The following PAXIP1 variants were observed in gnomAD, a reference collection of about 807,000 sequenced individuals.
PAXIP1 encodes the protein PAX-interacting protein 1.
PAXIP1 carries 19 observed loss-of-function variants against 140.6 expected under a neutral mutation model. The ratio of observed to expected loss-of-function variants is 0.14; its 90% CI spans 0.09 to 0.20. PAXIP1 has a LOEUF of 0.20. Among genes scored for constraint, PAXIP1 ranks in the 10% least tolerant of loss-of-function variants. The pLI is 1.00. For missense variants in PAXIP1, 920 were observed against 1,208.6 expected (o/e 0.76, Z 3.54); for synonymous variants, 442 against 444.6 (o/e 0.99, Z 0.07).
Position 154,963,151 on chromosome 7 carries a change from G to A in PAXIP1, c.1989+520C>T, listed in dbSNP as rs1287186618. On this transcript the variant is annotated intron_variant, in intron 9 of 20. Transcript: ENST00000404141. The surrounding 1 kb of genome is among the most constrained non-coding windows in gnomAD (Gnocchi z 4.1). ...GTGCACAGAGAGCAGCTGGAATGGT[G>A]ACTGCAGGGAGTGTCCGCCCTTTCT... is the stretch of plus-strand genomic sequence containing the variant. Among the ~76,000 whole-genome samples the A allele has an allele frequency of 6.6e-6, 1 of 152,130 alleles. No homozygotes were observed. The highest frequency in any genetic ancestry group is 6.5e-5 in the Admixed American group (1 of 15,280).
chr7:154,946,905 G>C lies in PAXIP1; in HGVS notation c.2923-92C>G. 9.8e-7 allele frequency: 1 copy of C among 1,023,204 alleles called. No individual in the cohort carries two copies. The highest frequency in any genetic ancestry group is 1.4e-6 in the Non-Finnish European group (1 of 713,176). The allele number at this position is 1,023,204 out of a possible 1,614,324, so 63.4% of individuals were successfully genotyped here. ...TCATAGATTCTGCCCTGAGATTTTT[G>C]ACAAAATTTCAAATTTTATGACATT... On this transcript the variant is annotated intron_variant, in intron 17 of 20. Coordinates refer to ENST00000404141, the MANE Select transcript of PAXIP1 (RefSeq NM_007349.4). The surrounding 1 kb of genome is among the most constrained non-coding windows in gnomAD (Gnocchi z 4.9).
chr7:154,953,266 G>C (rs1029783386), intron 16 of PAXIP1, among the ~76,000 whole-genome samples: 4 of 152,144 alleles, frequency 2.6e-5, no homozygotes, highest in African/African-American at 9.7e-5. Context: ...GGGGGCGAGG[G>C]AGGCATAGGT....
intron 2 of PAXIP1, 91 bp from the exon 3 acceptor site, chr7:154,993,860 T>C: frequency 1.1e-6 from 1 of 891,680 alleles, no homozygotes; most frequent in Admixed American, 2.6e-5. Context: ...TAAAAGTCTC[T>C]GTTACAACCT....
intron 8 of PAXIP1, among the ~76,000 whole-genome samples, chr7:154,965,951 G>A (rs537842641): frequency 7.2e-5 from 11 of 152,138 alleles, no homozygotes; most frequent in East Asian, 1.9e-4. Context: ...TCTCTCTTCC[G>A]GTCCCAGGTC....
At position 154,986,527 on chromosome 7, in the gene PAXIP1, T is replaced by C. The variant is rs1810083380; in HGVS notation, c.325-3195A>G. On this transcript the variant is annotated intron_variant, in intron 4 of 20. Transcript: ENST00000404141. This position sits in a 1 kb window ranked among gnomAD's most constrained non-coding sequence, Gnocchi z 4.8. ...GCTCCTGTCACAAAGGAAGTACCCA[T>C]CAAGGATTTGTTGGACCAAAGTCCC... Among the ~76,000 whole-genome samples, 1 of 152,206 alleles carries C rather than the reference T, an allele frequency of 6.6e-6. No homozygotes were observed.
chr7:154,971,232 T>G (rs1443029345), intron 6 of PAXIP1, among the ~76,000 whole-genome samples: 1 of 152,206 alleles, frequency 6.6e-6, no homozygotes, highest in East Asian at 1.9e-4. Context: ...GGGCTTGAGT[T>G]AAGATGGGTC....
chr7:154,995,330 C>G (rs1052296619), intron 2 of PAXIP1, among the ~76,000 whole-genome samples: 9 of 152,202 alleles, frequency 5.9e-5, no homozygotes, highest in Non-Finnish European at 1.3e-4. Context: ...AGCATACACG[C>G]TGAATATCTC....
rs1402046045 is a variant in PAXIP1, at chr7:154,991,080, G to A, written c.261-11C>T. ...GAAAAACCATTTACTCTGTTTTATA[G>A]TTATTAAGATTACAATGAAATAAGA... On this transcript the variant is annotated splice_polypyrimidine_tract_variant and intron_variant, in intron 3 of 20. Transcript: ENST00000404141. 1.4e-6 allele frequency: 2 copies of A among 1,430,132 alleles called. No homozygotes were observed. The highest frequency in any genetic ancestry group is 1.3e-5 in the South Asian group (1 of 77,726). 88.6% of individuals were successfully genotyped at this position (1,430,132 alleles called of 1,614,324 possible).
chr7:154,957,897 G>A (rs1323736313), intron 13 of PAXIP1, among the ~76,000 whole-genome samples: 3 of 150,430 alleles, frequency 2.0e-5, no homozygotes, highest in Non-Finnish European at 3.0e-5. Context: ...AACCCGGGAA[G>A]CGGAGCTTGC....
intron 12 of PAXIP1, 37 bp from the exon 13 acceptor site, chr7:154,959,970 C>A (rs375526135): frequency 1.1e-5 from 16 of 1,437,512 alleles, no homozygotes; most frequent in African/African-American, 1.4e-5. Context: ...ATGATAGATA[C>A]GTTGTTTAAA....
intron 4 of PAXIP1, among the ~76,000 whole-genome samples, chr7:154,987,879 ATT>A (rs1810147926): frequency 6.6e-6 from 1 of 151,966 alleles, no homozygotes; most frequent in South Asian, 2.1e-4. Flanking sequence ...TCCCATCTCC[ATT>A]TGTCAAAACT....
intron 4 of PAXIP1, among the ~76,000 whole-genome samples, chr7:154,989,627 A>G (rs925157839): frequency 1.3e-5 from 2 of 152,210 alleles, no homozygotes; most frequent in African/African-American, 4.8e-5. Flanking sequence ...ATTTTTTTCT[A>G]ATAGTTTTTA....
At chr7:154,948,983 T>G (rs1808138784) in intron 16 of PAXIP1, 1 of 152,172 alleles carries the variant, frequency 6.6e-6, no homozygotes, top group East Asian at 1.9e-4. Flanking sequence ...TCAGTTTTCA[T>G]AGCAACATTT....
intron 20 of PAXIP1, chr7:154,945,866 T>C: frequency 1.0e-6 from 1 of 985,226 alleles, no homozygotes; most frequent in Non-Finnish European, 1.2e-6. Context: ...GAAAAAAGCC[T>C]AGGTGTCAAT....
In PAXIP1 at chr7:154,954,229, G is replaced by A; in HGVS notation, c.2821+26C>T. On this transcript the variant is annotated intron_variant, in intron 16 of 20. Transcript: ENST00000404141. This position sits in a 1 kb window ranked among gnomAD's most constrained non-coding sequence, Gnocchi z 5.1. Reference sequence around the variant, plus strand: ...AAAAAAAGTTTATTTGGCATTAAAAGCAAAGTTACTGGCGCTGCTCCTTAC... The same window carrying A: ...AAAAAAAGTTTATTTGGCATTAAAAACAAAGTTACTGGCGCTGCTCCTTAC... 2 of 1,380,000 alleles carry A rather than the reference G, an allele frequency of 1.4e-6. No individual in the cohort carries two copies. The highest frequency in any genetic ancestry group is 9.5e-7 in the Non-Finnish European group (1 of 1,051,576). 85.5% of individuals were successfully genotyped at this position (1,380,000 alleles called of 1,614,324 possible).
intron 20 of PAXIP1, 143 bp from the exon 21 acceptor site, chr7:154,944,307 T>A: frequency 1.5e-6 from 1 of 646,108 alleles, no homozygotes; most frequent in Non-Finnish European, 2.6e-6. Flanking sequence ...AACCAGTCGC[T>A]CTGCTGCATA....
chr7:154,960,678 A>G (rs543496569), intron 12 of PAXIP1, among the ~76,000 whole-genome samples: 1 of 151,212 alleles, frequency 6.6e-6, no homozygotes, highest in South Asian at 2.1e-4. Context: ...CCTGTCTCAA[A>G]ACAAAAACAA....
intron 5 of PAXIP1, among the ~76,000 whole-genome samples, chr7:154,979,552 C>A (rs1809746634): frequency 1.3e-5 from 2 of 151,854 alleles, no homozygotes; most frequent in East Asian, 3.9e-4. Context: ...AAAATTAAGT[C>A]TTTTTAAAGG....
At chr7:154,949,877 C>T (rs969146751) in intron 16 of PAXIP1, 2 of 152,050 alleles carry the variant, frequency 1.3e-5, no homozygotes, top group African/African-American at 2.4e-5. Flanking sequence ...TCTACTCCAG[C>T]CTGAGCAACA....
Sources: gnomAD v4.1 joint callset for allele counts (sites outside exome capture counted in the v4.1 genomes callset) on GRCh38, gnomAD v4.1.1 for gene constraint, Gnocchi (gnomAD v3.1) non-coding constraint, MANE v1.5 for transcripts, NCBI Gene and HGNC (gene_info 2026-07-23, HGNC 2026-07-21) for gene names.